The following POMK variants were observed in gnomAD, a reference collection of about 807,000 sequenced individuals.
POMK encodes protein O-mannose kinase, also known as Sugen kinase 196.
Under a neutral mutation model 23.0 loss-of-function variants are expected in POMK, and 19 were observed. The observed-to-expected ratio is 0.83, with a 90% CI of 0.58 to 1.21. The LOEUF (loss-of-function observed/expected upper bound fraction) is 1.21. POMK is among the 50% of genes most tolerant of loss of function. The pLI is 0.00. For synonymous variants in POMK, 173 were observed against 171.6 expected, an observed-to-expected ratio of 1.01 and a Z score of -0.06; for missense variants, 410 against 431.3, an observed-to-expected ratio of 0.95 and a Z score of 0.44.
At chr8:43,094,176 A>G (rs1811283474) in intron 1 of POMK, among the ~76,000 whole-genome samples, 1 of 152,182 alleles carries the variant, frequency 6.6e-6, no homozygotes, top group Non-Finnish European at 1.5e-5. Context: ...TCCTGGGATT[A>G]CAGGCGTCCG....
At chr8:43,117,103 T>A (rs1240864136) in intron 4 of POMK, among the ~76,000 whole-genome samples, 1 of 152,218 alleles carries the variant, frequency 6.6e-6, no homozygotes, top group African/African-American at 2.4e-5. Context: ...CTGGCCATTT[T>A]CACTTCTTTT....
chr8:43,111,390 G>T (rs1811659529), intron 4 of POMK, among the ~76,000 whole-genome samples: 2 of 152,320 alleles, frequency 1.3e-5, no homozygotes, highest in East Asian at 1.9e-4. Flanking sequence ...GCCCGCCATT[G>T]CTCAGGCTTG....
intron 4 of POMK, among the ~76,000 whole-genome samples, chr8:43,104,385 C>T (rs1386343472): frequency 6.6e-6 from 1 of 152,008 alleles, no homozygotes; most frequent in Non-Finnish European, 1.5e-5. Flanking sequence ...GCCTCCCAAT[C>T]GGACTTTATC....
At chr8:43,118,015 A>G (rs1378333598) in intron 4 of POMK, among the ~76,000 whole-genome samples, 3 of 152,262 alleles carry the variant, frequency 2.0e-5, no homozygotes, top group Non-Finnish European at 2.9e-5. Context: ...AATAGATCAT[A>G]TAAGATCTTA....
chr8:43,106,384 T>A (rs1428373081), intron 4 of POMK, among the ~76,000 whole-genome samples: 1 of 152,188 alleles, frequency 6.6e-6, no homozygotes, highest in Non-Finnish European at 1.5e-5. Context: ...TGGATATTGA[T>A]CCCTTGTTAG....
intron 2 of POMK, 70 bp downstream of exon 2, chr8:43,097,685 G>C (rs1394251661): frequency 6.6e-6 from 1 of 152,294 alleles, no homozygotes; most frequent in Non-Finnish European, 1.5e-5. Context: ...TATGCAAGCA[G>C]TTGTGAGGGA....
rs780273144 is a variant in POMK, at chr8:43,122,684, A to G, written c.860A>G (p.Asp287Gly). Residue 287 changes from aspartate to glycine, a missense_variant, in exon 5 of 5, where the codon GAC (aspartate) becomes GGC (glycine). Physicochemically the swap from Asp to Gly is moderately conservative, Grantham distance 94. Coordinates refer to ENST00000331373, the MANE Select transcript of POMK (RefSeq NM_032237.5). The stretch of plus-strand genomic sequence containing the variant: ...AAGATTGACATTTGGAAGATCCCAG[A>G]CATCTCCAGTTTCCTTCTGGGGCAC... ...DEKIDIWKIP[D>G]ISSFLLGHIE... The G allele has an allele frequency of 1.9e-6, 3 of 1,614,074 alleles. No homozygotes were observed. The highest frequency in any genetic ancestry group is 2.5e-6 in the Non-Finnish European group (3 of 1,180,040).
intron 1 of POMK, 39 bp downstream of exon 1, chr8:43,093,602 AGGGGGCGT>A (rs1811268598): frequency 6.6e-6 from 1 of 152,616 alleles, no homozygotes; most frequent in Non-Finnish European, 1.5e-5. Flanking sequence ...CGAAGGGGCG[AGGGGGCGT>A]GCAGCTGGGT....
chr8:43,096,505 TAAA>T (rs1811337851), intron 1 of POMK, among the ~76,000 whole-genome samples: 1 of 151,960 alleles, frequency 6.6e-6, no homozygotes, highest in Non-Finnish European at 1.5e-5. Flanking sequence ...ATTAAAATAC[TAAA>T]ATTAGCTGGG....
intron 4 of POMK, among the ~76,000 whole-genome samples, chr8:43,120,252 C>T (rs536464323): frequency 5.2e-4 from 78 of 151,346 alleles, no homozygotes; most frequent in African/African-American, 1.8e-3. Context: ...CTCTTGTTCA[C>T]CCAGGCTGGA....
intron 4 of POMK, among the ~76,000 whole-genome samples, chr8:43,111,536 A>G (rs1811666189): frequency 6.6e-6 from 1 of 152,226 alleles, no homozygotes; most frequent in South Asian, 2.1e-4. Flanking sequence ...ACCTCTGCGG[A>G]CTTAAATGTC....
intron 4 of POMK, among the ~76,000 whole-genome samples, chr8:43,113,377 A>G (rs1811722865): frequency 6.6e-6 from 1 of 151,954 alleles, no homozygotes; most frequent in Admixed American, 6.5e-5. Context: ...TCCATCACTG[A>G]TACCCTTTCT....
chr8:43,105,429 T>G (rs948993137), intron 4 of POMK, among the ~76,000 whole-genome samples: 2 of 152,248 alleles, frequency 1.3e-5, no homozygotes, highest in African/African-American at 2.4e-5. Flanking sequence ...TGAGAACTTG[T>G]AGTGTTTAAC....
intron 4 of POMK, among the ~76,000 whole-genome samples, chr8:43,118,530 AAG>A (rs1413823812): frequency 6.6e-6 from 1 of 152,238 alleles, no homozygotes; most frequent in African/African-American, 2.4e-5. Context: ...TATAATAAAA[AAG>A]TAAAGTATTT....
intron 4 of POMK, among the ~76,000 whole-genome samples, chr8:43,110,451 A>G (rs1013950385): frequency 1.3e-5 from 2 of 152,192 alleles, no homozygotes; most frequent in Non-Finnish European, 2.9e-5. Context: ...AGGCCTAACA[A>G]CCTTTGAATT....
intron 4 of POMK, among the ~76,000 whole-genome samples, chr8:43,115,496 T>C (rs191751775): frequency 6.6e-6 from 1 of 152,306 alleles, no homozygotes; most frequent in East Asian, 1.9e-4. Context: ...TCCTGACCTC[T>C]CTCTCATCCA....
intron 4 of POMK, among the ~76,000 whole-genome samples, chr8:43,109,020 C>CA (rs1264195460): frequency 5.3e-5 from 8 of 152,146 alleles, no homozygotes; most frequent in African/African-American, 1.9e-4. Context: ...AGTTAAGCAC[C>CA]ATTTTCTATT....
intron 4 of POMK, among the ~76,000 whole-genome samples, chr8:43,108,315 A>C (rs773597490): frequency 2.6e-5 from 4 of 152,268 alleles, no homozygotes; most frequent in Non-Finnish European, 5.9e-5. Flanking sequence ...ATGCCATTCT[A>C]GTCAAACCCT....
intron 1 of POMK, among the ~76,000 whole-genome samples, chr8:43,094,501 C>CT (rs953283272): frequency 1.3e-5 from 2 of 152,082 alleles, no homozygotes; most frequent in South Asian, 2.1e-4. Context: ...ATCATATTCT[C>CT]TTTTTTTTAG....
Sources: allele counts gnomAD v4.1 joint callset (sites outside exome capture counted in the v4.1 genomes callset), GRCh38; gene constraint gnomAD v4.1.1; transcripts MANE v1.5; gene names NCBI Gene and HGNC (gene_info 2026-07-23, HGNC 2026-07-21).